The following DNAH6 variants were observed in gnomAD, a reference collection of about 807,000 sequenced individuals.
DNAH6 encodes the protein dynein axonemal heavy chain 6, also known as axonemal beta dynein heavy chain 6.
In DNAH6, 340 loss-of-function variants were observed where a neutral mutation model predicts 491.4. The ratio of observed to expected loss-of-function variants is 0.69; its 90% CI spans 0.63 to 0.76. DNAH6 has a LOEUF of 0.76. Ranked by LOEUF, DNAH6 falls within the 30% of genes least tolerant of loss-of-function variation. The pLI is 0.00. For synonymous variants in DNAH6, 1,603 were observed against 1,686.1 expected, an observed-to-expected ratio of 0.95 and a Z score of 1.21; for missense variants, 4,443 against 4,972.2, an observed-to-expected ratio of 0.89 and a Z score of 3.20.
chr2:84,724,858 T>C (rs906061579), intron 60 of DNAH6, among the ~76,000 whole-genome samples: 10 of 152,200 alleles, frequency 6.6e-5, no homozygotes, highest in Non-Finnish European at 1.3e-4. Flanking sequence ...TCATGCACCA[T>C]CAATTCGGCT....
At chr2:84,739,119 C>G (rs533873675) in intron 62 of DNAH6, among the ~76,000 whole-genome samples, 2 of 152,266 alleles carry the variant, frequency 1.3e-5, no homozygotes, top group South Asian at 4.1e-4. Context: ...ATATGAAATT[C>G]TTGGCTGACA....
At chr2:84,477,025 C>T in the DNAH6 span, among the ~76,000 whole-genome samples, 2 of 152,162 alleles carry the variant, frequency 1.3e-5, no homozygotes. Context: ...CCACGTTGGG[C>T]AGCCAGGAAT....
At chr2:84,718,743 T>C (rs543149611) in intron 59 of DNAH6, among the ~76,000 whole-genome samples, 1 of 152,386 alleles carries the variant, frequency 6.6e-6, no homozygotes, top group African/African-American at 2.4e-5. Context: ...TCAGAACTTC[T>C]ATAGTGTCTT....
chr2:84,760,371 T>C (rs1389195145), intron 63 of DNAH6, among the ~76,000 whole-genome samples: 1 of 152,050 alleles, frequency 6.6e-6, no homozygotes, highest in African/African-American at 2.4e-5. Context: ...AATAAATGAA[T>C]AATCTGCAGA....
At chr2:84,667,554 C>A (rs905719947) in intron 37 of DNAH6, among the ~76,000 whole-genome samples, 3 of 148,746 alleles carry the variant, frequency 2.0e-5, no homozygotes, top group African/African-American at 7.8e-5. Flanking sequence ...CAATGAGATA[C>A]CATCTCACAC....
At chr2:84,559,308 G>T (rs529701973) in intron 11 of DNAH6, among the ~76,000 whole-genome samples, 1 of 152,148 alleles carries the variant, frequency 6.6e-6, no homozygotes, top group African/African-American at 2.4e-5. Context: ...AGGAAACAAG[G>T]TTAAAAATAA....
intron 26 of DNAH6, among the ~76,000 whole-genome samples, chr2:84,623,257 C>T (rs973066076): frequency 1.3e-5 from 2 of 152,124 alleles, no homozygotes; most frequent in Admixed American, 6.6e-5. Flanking sequence ...TTGCATCAAA[C>T]TTAAAAGCTT....
At chr2:84,552,784 A>C in intron 9 of DNAH6, 134 bp from the exon 10 acceptor site, 1 of 470,318 alleles carries the variant, frequency 2.1e-6, no homozygotes, top group East Asian at 3.3e-5. Context: ...TTATTCTCTG[A>C]AACACTTTCC....
At chr2:84,565,534 T>C (rs2104645879) in intron 11 of DNAH6, among the ~76,000 whole-genome samples, 1 of 152,112 alleles carries the variant, frequency 6.6e-6, no homozygotes, top group South Asian at 2.1e-4. Flanking sequence ...CTAGAATCTG[T>C]TGTAATTTCA....
At chr2:84,556,703 A>G (rs1404031970) in intron 10 of DNAH6, among the ~76,000 whole-genome samples, 1 of 152,242 alleles carries the variant, frequency 6.6e-6, no homozygotes, top group East Asian at 1.9e-4. Flanking sequence ...GTCTTGTTTT[A>G]GTGCATACTG....
intron 64 of DNAH6, among the ~76,000 whole-genome samples, chr2:84,770,354 A>G (rs570232655): frequency 6.6e-6 from 1 of 152,316 alleles, no homozygotes; most frequent in African/African-American, 2.4e-5. Flanking sequence ...TTCAAAAACA[A>G]TAAAAACTGA....
the DNAH6 span, among the ~76,000 whole-genome samples, chr2:84,483,013 A>G: frequency 3.1e-4 from 47 of 152,024 alleles, 1 homozygote; most frequent in African/African-American, 1.1e-3. Flanking sequence ...GAGGCGGGAA[A>G]GCAGTGGTAT....
At chr2:84,669,078 G>A (rs947180471) in intron 37 of DNAH6, among the ~76,000 whole-genome samples, 1 of 151,938 alleles carries the variant, frequency 6.6e-6, no homozygotes, top group Non-Finnish European at 1.5e-5. Context: ...TAATATAATC[G>A]GTATAACAGA....
In DNAH6 at chr2:84,745,895, G is replaced by A. The variant is rs1195706544; in HGVS notation, c.10512+646G>A. Among the ~76,000 whole-genome samples, 2 of 152,018 alleles carry A rather than the reference G, an allele frequency of 1.3e-5. 1 individual carries two copies. Among genetic ancestry groups the A allele is most frequent in the East Asian group, 3.9e-4 (2 of 5,184 alleles). ...AACAATGGAGAGGAGACATTTGAAGGGTACAAAGCCATAGTTACCAGGACC... is the reference window on the plus strand; with the variant it reads ...AACAATGGAGAGGAGACATTTGAAGAGTACAAAGCCATAGTTACCAGGACC... On this transcript the variant is annotated intron_variant, in intron 63 of 76. Transcript: ENST00000389394.
intron 18 of DNAH6, among the ~76,000 whole-genome samples, chr2:84,600,372 C>T (rs899555284): frequency 3.9e-5 from 6 of 152,106 alleles, no homozygotes; most frequent in Non-Finnish European, 7.4e-5. Context: ...AATGTCAATA[C>T]GTTATTAGTA....
chr2:84,634,881 C>G (rs1688728587), intron 30 of DNAH6, among the ~76,000 whole-genome samples: 1 of 152,146 alleles, frequency 6.6e-6, no homozygotes, highest in Admixed American at 6.5e-5. Context: ...TAGCATGTCT[C>G]TAGAGAAGGG....
chr2:84,678,146 T>C (rs1186656136), intron 41 of DNAH6, among the ~76,000 whole-genome samples: 2 of 152,188 alleles, frequency 1.3e-5, no homozygotes, highest in Non-Finnish European at 2.9e-5. Context: ...CTGTGGGAAA[T>C]TATTTTTAAT....
chr2:84,708,788 G>T (rs1336975143), intron 54 of DNAH6, among the ~76,000 whole-genome samples: 3 of 152,116 alleles, frequency 2.0e-5, no homozygotes, highest in Non-Finnish European at 4.4e-5. Context: ...TTGTCCTTCA[G>T]TTATAAAACC....
At chr2:84,757,915 G>A (rs1363444681) in intron 63 of DNAH6, among the ~76,000 whole-genome samples, 3 of 152,114 alleles carry the variant, frequency 2.0e-5, no homozygotes, top group Admixed American at 6.6e-5. Flanking sequence ...GGCTTTAACT[G>A]ATGCATCTCC....
Sources: allele counts gnomAD v4.1 joint callset (sites outside exome capture counted in the v4.1 genomes callset), GRCh38; gene constraint gnomAD v4.1.1; transcripts MANE v1.5; gene names NCBI Gene and HGNC (gene_info 2026-07-23, HGNC 2026-07-21).